The following HMGCLL1 variants were observed in gnomAD, a reference collection of about 807,000 sequenced individuals.
HMGCLL1 encodes the protein 3-hydroxy-3-methylglutaryl-CoA lyase like 1, also known as 3-hydroxymethyl-3-methylglutaryl-CoA lyase, cytoplasmic.
HMGCLL1 carries 36 observed loss-of-function variants against 39.1 expected under a neutral mutation model. The ratio of observed to expected loss-of-function variants is 0.92; its 90% CI spans 0.71 to 1.22. The LOEUF (loss-of-function observed/expected upper bound fraction) is 1.22, where lower values mean the gene tolerates loss of function less well. Ranked by LOEUF, HMGCLL1 falls within the 50% of genes most tolerant of loss-of-function variation. The pLI, the probability that HMGCLL1 is intolerant of heterozygous loss-of-function variation, is 0.00. For missense variants in HMGCLL1, 451 were observed against 416.5 expected (o/e 1.08, Z -0.72); for synonymous variants, 149 against 144.0 (o/e 1.03, Z -0.25).
At chr6:55,662,792 G>A in the HMGCLL1 span, among the ~76,000 whole-genome samples, 5 of 151,726 alleles carry the variant, frequency 3.3e-5, no homozygotes, top group African/African-American at 1.2e-4. Context: ...GTAGAATTTG[G>A]CTGTGAATCC....
upstream of HMGCLL1, among the ~76,000 whole-genome samples, chr6:55,580,605 CG>C: frequency 6.6e-6 from 1 of 151,606 alleles, no homozygotes; most frequent in Non-Finnish European, 1.5e-5. Flanking sequence ...TTAGTAGAGA[CG>C]GGGTTTCACC....
the HMGCLL1 span, among the ~76,000 whole-genome samples, chr6:55,652,856 C>T: frequency 6.6e-6 from 1 of 151,970 alleles, no homozygotes; most frequent in East Asian, 1.9e-4. Flanking sequence ...AAATTAAGAG[C>T]GGATCTTGGA....
At chr6:55,448,097 T>C (rs1763932713) in intron 7 of HMGCLL1, among the ~76,000 whole-genome samples, 1 of 152,078 alleles carries the variant, frequency 6.6e-6, no homozygotes, top group Non-Finnish European at 1.5e-5. Context: ...ATATTTGTTG[T>C]CCTAGTGATT....
chr6:55,582,577 T>G (rs919510550), upstream of HMGCLL1, among the ~76,000 whole-genome samples: 7 of 152,142 alleles, frequency 4.6e-5, no homozygotes, highest in African/African-American at 1.7e-4. Context: ...TCTAAACTTA[T>G]CCATAACTTC....
chr6:55,457,493 C>T (rs913580049), intron 7 of HMGCLL1, among the ~76,000 whole-genome samples: 1 of 152,072 alleles, frequency 6.6e-6, no homozygotes, highest in Non-Finnish European at 1.5e-5. Context: ...TATATATTAG[C>T]CAGGATAAGA....
At chr6:55,467,381 G>A (rs1055663973) in intron 7 of HMGCLL1, among the ~76,000 whole-genome samples, 4 of 152,014 alleles carry the variant, frequency 2.6e-5, no homozygotes, top group Admixed American at 1.3e-4. Flanking sequence ...GTACAAGCAT[G>A]TGGAAATAAG....
the HMGCLL1 span, among the ~76,000 whole-genome samples, chr6:55,666,240 G>A: frequency 6.6e-6 from 1 of 151,678 alleles, no homozygotes; most frequent in African/African-American, 2.4e-5. Flanking sequence ...TATAAATAGG[G>A]CCTAGAAACA....
chr6:55,451,846 A>G (rs1036838812), intron 7 of HMGCLL1, among the ~76,000 whole-genome samples: 13 of 152,222 alleles, frequency 8.5e-5, no homozygotes, highest in African/African-American at 3.1e-4. Flanking sequence ...AATATTAATA[A>G]GCTAGTGATG....
chr6:55,570,297 A>G (rs1771411131), intron 1 of HMGCLL1, among the ~76,000 whole-genome samples: 4 of 152,172 alleles, frequency 2.6e-5, no homozygotes, highest in Admixed American at 2.6e-4. Context: ...CTCTTTACTG[A>G]ACAGTCCTAT....
chr6:55,649,172 A>C, the HMGCLL1 span, among the ~76,000 whole-genome samples: 4 of 152,204 alleles, frequency 2.6e-5, no homozygotes, highest in East Asian at 5.8e-4. Context: ...TACTATTACC[A>C]GTGAGTTTTG....
At chr6:55,513,365 G>A (rs920767001) in intron 5 of HMGCLL1, 2 of 152,144 alleles carry the variant, frequency 1.3e-5, no homozygotes, top group African/African-American at 2.4e-5. Context: ...AAGGCAAGGC[G>A]AGGAGAAAGG....
rs77183520 is a variant in HMGCLL1, at chr6:55,517,615, G to A, written c.298-1012C>T. 4.9e-4 allele frequency among the ~76,000 whole-genome samples: 75 copies of A among 151,708 alleles called. 1 individual carries two copies. The East Asian group carries it at 0.011, about 23-fold the overall frequency. On this transcript the variant is annotated intron_variant, in intron 3 of 8. Transcript: ENST00000274901. ...TATTTTTGAATTTAAAAAATTAAAA[G>A]CAAATAAATCCAAACAAAAAATGCT... is the stretch of plus-strand genomic sequence containing the variant.
intron 7 of HMGCLL1, among the ~76,000 whole-genome samples, chr6:55,443,389 C>A (rs140758994): frequency 6.6e-6 from 1 of 152,272 alleles, no homozygotes; most frequent in East Asian, 1.9e-4. Flanking sequence ...CTGGAATCCA[C>A]GTATCATGTT....
At position 55,435,748 on chromosome 6, in the gene HMGCLL1, T is replaced by C. The variant is rs747795061; in HGVS notation, c.937A>G (p.Lys313Glu). 5.6e-6 allele frequency: 9 copies of C among 1,594,224 alleles called. No individual in the cohort carries two copies. The highest frequency in any genetic ancestry group is 7.7e-6 in the Non-Finnish European group (9 of 1,166,526). The change falls in exon 9 of 9, where the codon AAA (lysine) becomes GAA (glutamate). Residue 313 changes from lysine (K) to glutamate (E), a missense_variant. Coordinates refer to ENST00000274901, the MANE Select transcript of HMGCLL1 (RefSeq NM_001042406.2). ...ATAAAGTCACCAGCTTCCATCACTTTGTATAGATTCACACCCTGGTGACGA... is the reference window on the plus strand; with the variant it reads ...ATAAAGTCACCAGCTTCCATCACTTCGTATAGATTCACACCCTGGTGACGA... ...LGLNTGVNLY[K>E]VMEAGDFICK...
chr6:55,575,016 G>A (rs1476900719), intron 1 of HMGCLL1, among the ~76,000 whole-genome samples: 1 of 151,892 alleles, frequency 6.6e-6, no homozygotes, highest in Non-Finnish European at 1.5e-5. Context: ...TTGCAAAAGG[G>A]CATTAATATG....
chr6:55,517,130 A>T (rs1341409571), intron 3 of HMGCLL1, among the ~76,000 whole-genome samples: 5 of 152,116 alleles, frequency 3.3e-5, no homozygotes, highest in Non-Finnish European at 7.4e-5. Context: ...AATAGTTATA[A>T]AGCTTTATGT....
the HMGCLL1 span, among the ~76,000 whole-genome samples, chr6:55,590,567 A>G: frequency 2.0e-5 from 3 of 152,112 alleles, no homozygotes; most frequent in East Asian, 3.9e-4. Flanking sequence ...TAATTAAACT[A>G]AAGAGCCTCT....
At chr6:55,649,479 C>A in the HMGCLL1 span, among the ~76,000 whole-genome samples, 2 of 147,338 alleles carry the variant, frequency 1.4e-5, no homozygotes, top group African/African-American at 2.5e-5. Flanking sequence ...TTATTTCTTT[C>A]TTTTTTCTTG....
chr6:55,473,914 GTACTT>G (rs1765163118), intron 7 of HMGCLL1, among the ~76,000 whole-genome samples: 2 of 151,402 alleles, frequency 1.3e-5, no homozygotes, highest in African/African-American at 2.4e-5. Flanking sequence ...TTTACTTTCA[GTACTT>G]TACTTCATTC....
Sources: allele counts gnomAD v4.1 joint callset (sites outside exome capture counted in the v4.1 genomes callset), GRCh38; gene constraint gnomAD v4.1.1; transcripts MANE v1.5; gene names NCBI Gene and HGNC (gene_info 2026-07-23, HGNC 2026-07-21).